Variants in AKAP6 observed in about 807,000 individuals in gnomAD.
AKAP6 encodes the protein A-kinase anchor protein 6.
Under a neutral mutation model 188.5 loss-of-function variants are expected in AKAP6, and 58 were observed. The ratio of observed to expected loss-of-function variants is 0.31; its 90% CI spans 0.25 to 0.38. The LOEUF (loss-of-function observed/expected upper bound fraction) is 0.38, where lower values mean the gene tolerates loss of function less well. Ranked by LOEUF, AKAP6 falls within the 10% of genes least tolerant of loss-of-function variation. AKAP6 has a pLI of 1.00. For synonymous variants in AKAP6, 989 were observed against 998.6 expected (o/e 0.99, Z 0.18); for missense variants, 2,710 against 2,740.0 (o/e 0.99, Z 0.24).
chr14:32,505,885 G>C (rs1200147864), intron 2 of AKAP6, among the ~76,000 whole-genome samples: 2 of 152,046 alleles, frequency 1.3e-5, no homozygotes, highest in African/African-American at 4.8e-5. Context: ...TAATTTTCAT[G>C]CTTTTTATGG....
At chr14:32,774,026 A>C (rs1490123064) in intron 12 of AKAP6, 133 bp downstream of exon 12, 1 of 953,216 alleles carries the variant, frequency 1.0e-6, no homozygotes, top group Non-Finnish European at 1.6e-6. Context: ...GCCATCTTAC[A>C]AGTGGTTTTA....
At position 32,586,950 on chromosome 14, in the gene AKAP6, G is replaced by A. The variant is rs578256640; in HGVS notation, c.2469+9708G>A. Among the ~76,000 whole-genome samples the A allele has an allele frequency of 2.0e-4, 31 of 152,204 alleles. No individual in the cohort carries two copies. In the South Asian group the frequency reaches 5.0e-3, roughly 24 times the overall value. On this transcript the variant is annotated intron_variant, in intron 5 of 13. Coordinates refer to ENST00000280979, the MANE Select transcript of AKAP6 (RefSeq NM_004274.5). Reference sequence around the variant, plus strand: ...GCTTAAGCATATTTAAATTTGTAACGTATTACCAAACTGTCCTTGATAGAG... The same window carrying A: ...GCTTAAGCATATTTAAATTTGTAACATATTACCAAACTGTCCTTGATAGAG...
rs775745518 is a variant in AKAP6 at position 32,822,202 on chromosome 14, T to C, written c.4389T>C (p.Asp1463=). ...GAGAAGAATTACAAGGAAAACATGATGTGTTTACATTTTATGATTACTCAT... is the reference window on the plus strand; with the variant it reads ...GAGAAGAATTACAAGGAAAACATGACGTGTTTACATTTTATGATTACTCAT... ...CLGEELQGKH[D]VFTFYDYSYL... is the part of the protein sequence containing the mutation. The change falls in exon 13 of 14, where the codon GAT becomes GAC. Residue 1463 remains aspartate (D), a synonymous_variant. Coordinates refer to ENST00000280979, the MANE Select transcript of AKAP6 (RefSeq NM_004274.5). The C allele has an allele frequency of 1.9e-6, 3 of 1,613,828 alleles. No individual in the cohort carries two copies. The highest frequency in any genetic ancestry group is 2.5e-6 in the Non-Finnish European group (3 of 1,179,848).
intron 2 of AKAP6, among the ~76,000 whole-genome samples, chr14:32,445,902 G>C (rs984174968): frequency 6.6e-6 from 1 of 152,102 alleles, no homozygotes; most frequent in Non-Finnish European, 1.5e-5. Flanking sequence ...ATAATTGGCA[G>C]ATCTTCCTTA....
chr14:32,693,186 A>G (rs1024320914), intron 8 of AKAP6, among the ~76,000 whole-genome samples: 2 of 152,092 alleles, frequency 1.3e-5, no homozygotes, highest in East Asian at 1.9e-4. Context: ...GCTTCCTCCC[A>G]CAGAGGGCTG....
intron 1 of AKAP6, among the ~76,000 whole-genome samples, chr14:32,385,990 A>G (rs1285541980): frequency 7.0e-6 from 1 of 143,856 alleles, no homozygotes; most frequent in African/African-American, 2.5e-5. Flanking sequence ...TAATACATAT[A>G]TTCATCATAT....
At chr14:32,370,329 A>G (rs1277352653) in intron 1 of AKAP6, among the ~76,000 whole-genome samples, 1 of 152,218 alleles carries the variant, frequency 6.6e-6, no homozygotes, top group Admixed American at 6.5e-5. Context: ...CTTAGCCACC[A>G]TCAGTTTGTG....
At chr14:32,361,981 C>T (rs941923353) in intron 1 of AKAP6, among the ~76,000 whole-genome samples, 4 of 151,834 alleles carry the variant, frequency 2.6e-5, no homozygotes, top group African/African-American at 9.7e-5. Context: ...AAATAATTTG[C>T]CTACCTCTCA....
chr14:32,338,180 A>G (rs1886776985), intron 1 of AKAP6, among the ~76,000 whole-genome samples: 1 of 151,840 alleles, frequency 6.6e-6, no homozygotes. Context: ...TTTTTCTTTA[A>G]AAAAAATTCT....
intron 7 of AKAP6, among the ~76,000 whole-genome samples, chr14:32,676,089 G>A (rs956722868): frequency 5.9e-5 from 9 of 152,060 alleles, no homozygotes; most frequent in African/African-American, 2.2e-4. Flanking sequence ...CACGTCCCTT[G>A]GTACCTAATG....
chr14:32,782,622 A>G (rs1004521213), intron 12 of AKAP6, among the ~76,000 whole-genome samples: 2 of 152,202 alleles, frequency 1.3e-5, no homozygotes, highest in East Asian at 3.8e-4. Flanking sequence ...AAATAGTCAT[A>G]AATTGAAATT....
chr14:32,493,079 G>A (rs1253431487), intron 2 of AKAP6, among the ~76,000 whole-genome samples: 1 of 152,202 alleles, frequency 6.6e-6, no homozygotes, highest in Admixed American at 6.5e-5. Flanking sequence ...GTTTGTCAGA[G>A]AAGGAACTAT....
In AKAP6 at chr14:32,532,312, G is replaced by C. The variant is rs576833595; in HGVS notation, c.325-3242G>C. Among the ~76,000 whole-genome samples, 4 of 152,322 alleles carry C rather than the reference G, an allele frequency of 2.6e-5. No individual in the cohort carries two copies. In the South Asian group the frequency reaches 8.3e-4, roughly 32 times the overall value. ...TTTGGTAGGTCAGCACTTATGGGAA[G>C]GGTGTTTTTTTCCCCTTAGGGGTCC... is the stretch of plus-strand genomic sequence containing the variant. On this transcript the variant is annotated intron_variant, in intron 2 of 13. Coordinates refer to ENST00000280979, the MANE Select transcript of AKAP6 (RefSeq NM_004274.5).
intron 1 of AKAP6, among the ~76,000 whole-genome samples, chr14:32,353,962 T>C (rs1359939814): frequency 6.6e-6 from 1 of 151,928 alleles, no homozygotes. Flanking sequence ...TAAAAAAGGA[T>C]ACAAACAAAT....
intron 1 of AKAP6, among the ~76,000 whole-genome samples, chr14:32,356,693 G>A (rs1887496309): frequency 6.6e-6 from 1 of 151,922 alleles, no homozygotes; most frequent in Non-Finnish European, 1.5e-5. Context: ...TTGCCTCTTT[G>A]TTCTGTCCAT....
At chr14:32,602,602 T>C (rs1229247394) in intron 7 of AKAP6, among the ~76,000 whole-genome samples, 1 of 152,222 alleles carries the variant, frequency 6.6e-6, no homozygotes, top group Non-Finnish European at 1.5e-5. Context: ...AAAAGCTTCA[T>C]TGTATTTTGT....
intron 13 of AKAP6, among the ~76,000 whole-genome samples, chr14:32,827,115 A>T (rs2034693542): frequency 6.6e-6 from 1 of 152,236 alleles, no homozygotes; most frequent in East Asian, 1.9e-4. Flanking sequence ...AGGACAAATT[A>T]TTTAATCTCA....
rs923581006 is a variant in AKAP6, at chr14:32,832,636, G to C, written c.*2831G>C. On this transcript the variant is annotated 3_prime_UTR_variant, in exon 14 of 14. Transcript: ENST00000280979. ...CACCAACTCTGCCTACACACTTCCA[G>C]TGATAGTGGCTCATTGTCTGTTAAG... 6.6e-6 allele frequency: 1 copy of C among 152,158 alleles called. No individual in the cohort carries two copies. Among genetic ancestry groups the C allele is most frequent in the African/African-American group, 2.4e-5 (1 of 41,448 alleles). 9.4% of individuals were successfully genotyped at this position (152,158 alleles called of 1,614,324 possible). A position where few individuals can be genotyped will look rare whatever the true frequency, so the allele number is the denominator to read the frequency against.
intron 4 of AKAP6, among the ~76,000 whole-genome samples, chr14:32,548,407 AT>A (rs151264438): frequency 1.2e-3 from 172 of 145,126 alleles, no homozygotes; most frequent in Non-Finnish European, 1.8e-3. Flanking sequence ...TGGCCCATAC[AT>A]TTTTTTTTTT....
Sources: allele counts gnomAD v4.1 joint callset (sites outside exome capture counted in the v4.1 genomes callset), GRCh38; gene constraint gnomAD v4.1.1; transcripts MANE v1.5; gene names NCBI Gene and HGNC (gene_info 2026-07-23, HGNC 2026-07-21).